The following ASXL2 variants were observed in gnomAD, a reference collection of about 807,000 sequenced individuals.
The protein encoded by ASXL2 is putative Polycomb group protein ASXL2.
Under a neutral mutation model 122.0 loss-of-function variants are expected in ASXL2, and 23 were observed. The ratio of observed to expected loss-of-function variants is 0.19; its 90% CI spans 0.14 to 0.27. The LOEUF (loss-of-function observed/expected upper bound fraction) is 0.27, where lower values mean the gene tolerates loss of function less well. Among genes scored for constraint, ASXL2 ranks in the 10% least tolerant of loss-of-function variants. ASXL2 has a pLI of 1.00. For synonymous variants in ASXL2, 650 were observed against 637.0 expected, an observed-to-expected ratio of 1.02 and a Z score of -0.31; for missense variants, 1,518 against 1,713.8, an observed-to-expected ratio of 0.89 and a Z score of 2.02.
Position 25,743,400 on chromosome 2 carries a change from C to T in ASXL2, c.2937G>A (p.Thr979=), listed in dbSNP as rs376600340. The T allele has an allele frequency of 2.5e-5, 41 of 1,613,728 alleles. No homozygotes were observed. The highest frequency in any genetic ancestry group is 4.5e-5 in the East Asian group (2 of 44,892). Residue 979 remains threonine, a synonymous_variant, in exon 13 of 13, where the codon ACG becomes ACA. Transcript: ENST00000435504. ...TTTCCTCTTTTGCAGTCAGTGGAAC[C>T]GTTTTCATTTCAACTTTGGTGAGAG... ...PKPLTKVEMK[T]VPLTAKEERG...
intron 1 of ASXL2, among the ~76,000 whole-genome samples, chr2:25,862,858 G>A (rs940782170): frequency 2.0e-5 from 3 of 151,492 alleles, no homozygotes; most frequent in Admixed American, 6.6e-5. Context: ...CACCTGCCTC[G>A]GCCTCCCAAA....
chr2:25,764,798 C>A (rs1333763855), intron 8 of ASXL2, among the ~76,000 whole-genome samples: 3 of 152,194 alleles, frequency 2.0e-5, no homozygotes, highest in African/African-American at 7.2e-5. Flanking sequence ...TTTATGCATT[C>A]ATTGTACCTG....
intron 5 of ASXL2, among the ~76,000 whole-genome samples, chr2:25,783,699 CG>C (rs1417990547): frequency 6.6e-6 from 1 of 151,840 alleles, no homozygotes; most frequent in East Asian, 1.9e-4. Context: ...GAGGCCAAAG[CG>C]GGTGGGATCA....
chr2:25,814,404 A>G (rs2089210137), intron 3 of ASXL2, among the ~76,000 whole-genome samples: 2 of 152,238 alleles, frequency 1.3e-5, no homozygotes, highest in South Asian at 4.1e-4. Flanking sequence ...GGGTGATAAA[A>G]CCATAGTACT....
At chr2:25,842,699 TATATATAG>T in intron 2 of ASXL2, among the ~76,000 whole-genome samples, 1 of 133,456 alleles carries the variant, frequency 7.5e-6, no homozygotes, top group East Asian at 1.9e-4. Flanking sequence ...TGTGTATATA[TATATATAG>T]ATAGATAGAT....
At chr2:25,811,961 G>A in intron 3 of ASXL2, among the ~76,000 whole-genome samples, 1 of 151,786 alleles carries the variant, frequency 6.6e-6, no homozygotes, top group Middle Eastern at 3.2e-3. Flanking sequence ...TGTTGGCTAG[G>A]CTGGTCTTGA....
At chr2:25,762,499 C>T (rs1253572240) in intron 8 of ASXL2, among the ~76,000 whole-genome samples, 2 of 151,354 alleles carry the variant, frequency 1.3e-5, no homozygotes, top group Admixed American at 6.6e-5. Context: ...AAACCCATTT[C>T]TACTAAAAGT....
intron 4 of ASXL2, 89 bp from the exon 5 acceptor site, chr2:25,799,624 T>C (rs1293352402): frequency 1.3e-5 from 19 of 1,453,768 alleles, no homozygotes; most frequent in Non-Finnish European, 1.6e-5. Flanking sequence ...TGCAACTTAA[T>C]TGCACTAATT....
intron 9 of ASXL2, among the ~76,000 whole-genome samples, chr2:25,758,165 G>A (rs1320134796): frequency 3.3e-5 from 5 of 152,294 alleles, no homozygotes; most frequent in African/African-American, 1.2e-4. Flanking sequence ...CCTTTGACAT[G>A]TTCTGATTCA....
intron 3 of ASXL2, among the ~76,000 whole-genome samples, chr2:25,832,447 A>T (rs186404259): frequency 6.6e-6 from 1 of 152,348 alleles, no homozygotes; most frequent in Admixed American, 6.5e-5. Context: ...AGAGAAACAG[A>T]GGAATGAGAA....
intron 2 of ASXL2, among the ~76,000 whole-genome samples, chr2:25,842,751 T>C (rs776978052): frequency 1.3e-4 from 20 of 148,790 alleles, no homozygotes; most frequent in Non-Finnish European, 2.4e-4. Flanking sequence ...TATGTATGTA[T>C]GTGTGTGCGT....
At chr2:25,798,319 A>G (rs568218558) in intron 5 of ASXL2, among the ~76,000 whole-genome samples, 14 of 152,318 alleles carry the variant, frequency 9.2e-5, no homozygotes, top group South Asian at 6.2e-4. Flanking sequence ...CCCTGAACTT[A>G]AAAGTTCAAA....
At chr2:25,765,290 C>T (rs1353128404) in intron 8 of ASXL2, among the ~76,000 whole-genome samples, 2 of 152,006 alleles carry the variant, frequency 1.3e-5, no homozygotes, top group Non-Finnish European at 2.9e-5. Flanking sequence ...TCAAGACCAT[C>T]CTGGCTAACA....
rs2090029565 is a variant in ASXL2, at chr2:25,878,454, G to A, written c.-232C>T. On this transcript the variant is annotated 5_prime_UTR_variant, in exon 1 of 13. Coordinates refer to ENST00000435504, the MANE Select transcript of ASXL2 (RefSeq NM_018263.6). ...ACTGCTACCGCCGCTGCCATATTGGGTTCTTACTGTACAGGCTGCCGCTAC... is the reference window on the plus strand; with the variant it reads ...ACTGCTACCGCCGCTGCCATATTGGATTCTTACTGTACAGGCTGCCGCTAC... 12 of 583,568 alleles carry A rather than the reference G, an allele frequency of 2.1e-5. No homozygotes were observed. The highest frequency in any genetic ancestry group is 3.1e-5 in the Admixed American group (1 of 32,616). The allele number at this position is 583,568 out of a possible 1,614,324, so 36.1% of individuals were successfully genotyped here. A position where few individuals can be genotyped will look rare whatever the true frequency, so the allele number is the denominator to read the frequency against.
rs1001899616 is a variant in ASXL2 at position 25,744,023 on chromosome 2, G to T, written c.2314C>A (p.Gln772Lys). ...QAQPHSVSGA[Q>K]LQQTPPVPPT... is the part of the protein sequence containing the mutation. ...GGCACTGGGGGGGTTTGCTGTAGTT[G>T]TGCTCCAGAGACACTATGAGGCTGT... The change falls in exon 13 of 13, where the codon CAA becomes AAA. Residue 772 changes from glutamine (Q) to lysine (K), a missense_variant. Gln to Lys is a moderately conservative substitution (Grantham distance 53). Around this residue, in one of 8 missense-constraint regions of ASXL2, gnomAD observed 831 missense variants for 833.1 expected, o/e 1.00. Transcript: ENST00000435504. The surrounding 1 kb of genome is among the most constrained non-coding windows in gnomAD (Gnocchi z 4.7). 6.2e-7 allele frequency: 1 copy of T among 1,613,872 alleles called. No individual in the cohort carries two copies. The highest frequency in any genetic ancestry group is 8.5e-7 in the Non-Finnish European group (1 of 1,179,888).
chr2:25,773,538 C>T (rs571379634), intron 5 of ASXL2, among the ~76,000 whole-genome samples: 5 of 151,426 alleles, frequency 3.3e-5, no homozygotes, highest in Admixed American at 1.3e-4. Flanking sequence ...TGGTGGCGGG[C>T]GCTTGTAGTC....
At chr2:25,757,610 G>C (rs1256854080) in intron 9 of ASXL2, among the ~76,000 whole-genome samples, 1 of 140,336 alleles carries the variant, frequency 7.1e-6, no homozygotes, top group African/African-American at 2.6e-5. Flanking sequence ...AGGAGGCGGA[G>C]GTTGCAGTGA....
At chr2:25,765,252 A>G (rs891838233) in intron 8 of ASXL2, among the ~76,000 whole-genome samples, 2 of 152,058 alleles carry the variant, frequency 1.3e-5, no homozygotes, top group Non-Finnish European at 2.9e-5. Context: ...TTAGGAGGCC[A>G]AGGCGGGCAG....
In ASXL2 at chr2:25,767,573, G is replaced by A; in HGVS notation, c.775+10C>T. 1.2e-6 allele frequency: 2 copies of A among 1,607,334 alleles called. No individual in the cohort carries two copies. The highest frequency in any genetic ancestry group is 1.7e-6 in the Non-Finnish European group (2 of 1,176,960). ...GCAATGAAAACTGAAGTCTTTGTAA[G>A]CAAACTTACTGGTATGGAGTCTCTC... On this transcript the variant is annotated intron_variant, in intron 8 of 12. Transcript: ENST00000435504.
Sources: gnomAD v4.1 joint callset for allele counts (sites outside exome capture counted in the v4.1 genomes callset) on GRCh38, gnomAD v4.1.1 for gene constraint, gnomAD v4.1.1 regional missense constraint, Gnocchi (gnomAD v3.1) non-coding constraint, MANE v1.5 for transcripts, NCBI Gene and HGNC (gene_info 2026-07-23, HGNC 2026-07-21) for gene names.